PRKN: variants seen among roughly 807,000 people sequenced by gnomAD.
The protein encoded by PRKN is parkin RBR E3 ubiquitin protein ligase.
PRKN carries 56 observed loss-of-function variants against 59.5 expected under a neutral mutation model. The ratio of observed to expected loss-of-function variants is 0.94; its 90% CI spans 0.76 to 1.18. PRKN has a LOEUF of 1.18. Among genes scored for constraint, PRKN ranks in the 50% most tolerant of loss-of-function variants. The probability of loss-of-function intolerance (pLI) is 0.00; values close to 1 mark genes in which losing one functional copy is unlikely to be tolerated. For missense variants in PRKN, 657 were observed against 596.4 expected (o/e 1.10, Z -1.06); for synonymous variants, 250 against 222.1 (o/e 1.13, Z -1.12).
rs772551808 is a variant in PRKN, at chr6:161,429,412, C to T, written c.1084-42535G>A. The stretch of plus-strand genomic sequence containing the variant: ...TGCTATTGCTCTATGTGTGGGAAAA[C>T]AGGCAACCTGGGGAGCCATGGTTAA... On this transcript the variant is annotated intron_variant, in intron 9 of 11. Coordinates refer to ENST00000366898, the MANE Select transcript of PRKN (RefSeq NM_004562.3). This position sits in a 1 kb window ranked among gnomAD's most constrained non-coding sequence, Gnocchi z 4.2. Among the ~76,000 whole-genome samples the T allele has an allele frequency of 3.3e-5, 5 of 152,132 alleles. No homozygotes were observed. Among genetic ancestry groups the T allele is most frequent in the African/African-American group, 1.2e-4 (5 of 41,410 alleles).
rs554499903 is a variant in PRKN, at chr6:161,948,769, A to C, written c.734+24533T>G. 2.1e-4 allele frequency among the ~76,000 whole-genome samples: 32 copies of C among 152,302 alleles called. No individual in the cohort carries two copies. In the South Asian group the frequency reaches 6.4e-3, roughly 31 times the overall value. ...CCATGTGTTTGGAGGGCAAGAGGGG[A>C]CCCAGACACAGAGCCGTGTCAGTAA... On this transcript the variant is annotated intron_variant, in intron 6 of 11. Transcript: ENST00000366898.
At chr6:161,685,876 C>A (rs1785531769) in intron 7 of PRKN, among the ~76,000 whole-genome samples, 1 of 152,116 alleles carries the variant, frequency 6.6e-6, no homozygotes, top group Non-Finnish European at 1.5e-5. Flanking sequence ...GTTTCTGATA[C>A]CCCCTTAAAT....
intron 9 of PRKN, among the ~76,000 whole-genome samples, chr6:161,420,656 C>T (rs140241393): frequency 1.1e-4 from 16 of 152,136 alleles, no homozygotes; most frequent in East Asian, 9.7e-4. Flanking sequence ...ACCACAGGCA[C>T]GCGCCACCAT....
chr6:161,977,542 G>GTTTTTTTTTTTTTTTTT lies in PRKN; in HGVS notation c.619-4142_619-4126dup. Among the ~76,000 whole-genome samples, 2 of 104,522 alleles carry GTTTTTTTTTTTTTTTTT rather than the reference G, an allele frequency of 1.9e-5. 1 individual carries two copies. The highest frequency in any genetic ancestry group is 3.9e-5 in the Non-Finnish European group (2 of 51,672). The allele number at this position is 104,522 out of a possible 152,430, so 68.6% of individuals were successfully genotyped here. On this transcript the variant is annotated intron_variant, in intron 5 of 11. Transcript: ENST00000366898. ...ATCTTCTCTACTTTCTGTTTTTTTG[G>GTTTTTTTTTTTTTTTTT]TTTTTTTTTTTTTTTTTTTTTTTAA...
chr6:161,885,741 T>A (rs1039499459), intron 6 of PRKN, among the ~76,000 whole-genome samples: 1 of 151,152 alleles, frequency 6.6e-6, no homozygotes, highest in South Asian at 2.1e-4. Context: ...TGGGATATCA[T>A]AAGAAAAAAT....
intron 2 of PRKN, among the ~76,000 whole-genome samples, chr6:162,339,817 C>G (rs1161006872): frequency 6.7e-6 from 1 of 149,316 alleles, no homozygotes; most frequent in African/African-American, 2.5e-5. Context: ...GCCTTGGGAT[C>G]CTGTTGATCT....
intron 2 of PRKN, among the ~76,000 whole-genome samples, chr6:162,329,537 T>C (rs1402589688): frequency 6.6e-6 from 1 of 152,138 alleles, no homozygotes; most frequent in African/African-American, 2.4e-5. Context: ...TTTTTCTCTG[T>C]CAAGGAGATT....
intron 8 of PRKN, among the ~76,000 whole-genome samples, chr6:161,557,100 A>T (rs529915598): frequency 6.6e-6 from 1 of 152,298 alleles, no homozygotes; most frequent in East Asian, 1.9e-4. Context: ...GAAAACAATA[A>T]CTGTTTTTCT....
At chr6:162,679,940 T>G (rs539374558) in intron 1 of PRKN, among the ~76,000 whole-genome samples, 1 of 152,314 alleles carries the variant, frequency 6.6e-6, no homozygotes, top group East Asian at 1.9e-4. Flanking sequence ...TTTTAAATTT[T>G]CCCCTACTGT....
At chr6:162,177,105 C>T (rs1430478552) in intron 4 of PRKN, among the ~76,000 whole-genome samples, 3 of 151,834 alleles carry the variant, frequency 2.0e-5, no homozygotes, top group African/African-American at 7.3e-5. Context: ...TGTATATAGT[C>T]ACACACACAC....
At chr6:162,432,524 AAAACAAAC>A (rs71671690) in intron 2 of PRKN, among the ~76,000 whole-genome samples, 3 of 151,764 alleles carry the variant, frequency 2.0e-5, no homozygotes, top group African/African-American at 4.9e-5. Context: ...GACACCGTCT[AAAACAAAC>A]AAACAAACAA....
At position 162,406,757 on chromosome 6, in the gene PRKN, G is replaced by A. The variant is rs371529589; in HGVS notation, c.171+36553C>T. Among the ~76,000 whole-genome samples, 49 of 152,154 alleles carry A rather than the reference G, an allele frequency of 3.2e-4. No homozygotes were observed. The South Asian group carries it at 8.1e-3, about 25-fold the overall frequency. ...AGCAAAGTCAGTGTCTACACCACCCGCCAGCTTCTCCTCCCCTCTTCCACA... is the reference window on the plus strand; with the variant it reads ...AGCAAAGTCAGTGTCTACACCACCCACCAGCTTCTCCTCCCCTCTTCCACA... On this transcript the variant is annotated intron_variant, in intron 2 of 11. Coordinates refer to ENST00000366898, the MANE Select transcript of PRKN (RefSeq NM_004562.3).
At chr6:162,377,616 C>A (rs933283355) in intron 2 of PRKN, among the ~76,000 whole-genome samples, 3 of 152,178 alleles carry the variant, frequency 2.0e-5, no homozygotes, top group African/African-American at 7.2e-5. Flanking sequence ...CCATGGCCAG[C>A]CTACAGATCG....
intron 4 of PRKN, among the ~76,000 whole-genome samples, chr6:162,181,586 T>C (rs918314448): frequency 1.3e-5 from 2 of 152,104 alleles, no homozygotes; most frequent in African/African-American, 4.8e-5. Context: ...TACAGTGTTG[T>C]ACAAGAACCA....
intron 7 of PRKN, among the ~76,000 whole-genome samples, chr6:161,685,915 C>A (rs1209732375): frequency 6.6e-6 from 1 of 152,184 alleles, no homozygotes; most frequent in South Asian, 2.1e-4. Flanking sequence ...GCCTCAGCAA[C>A]CTCACCCCGG....
intron 9 of PRKN, among the ~76,000 whole-genome samples, chr6:161,481,170 C>A (rs963875911): frequency 6.6e-6 from 1 of 152,148 alleles, no homozygotes; most frequent in African/African-American, 2.4e-5. Context: ...CTATTCAAAC[C>A]GTATCAAGAT....
intron 8 of PRKN, among the ~76,000 whole-genome samples, chr6:161,568,643 C>T (rs1780744496): frequency 6.6e-6 from 1 of 152,062 alleles, no homozygotes; most frequent in African/African-American, 2.4e-5. Flanking sequence ...GTCAATCAGC[C>T]TTTTGCCAAC....
chr6:161,485,162 C>T lies in PRKN; in HGVS notation c.1083+63692G>A, dbSNP rs374844908. Among the ~76,000 whole-genome samples the T allele has an allele frequency of 1.8e-4, 27 of 152,228 alleles. 1 individual carries two copies. Among genetic ancestry groups the T allele is most frequent in the African/African-American group, 5.8e-4 (24 of 41,522 alleles). On this transcript the variant is annotated intron_variant, in intron 9 of 11. Transcript: ENST00000366898. ...ATATTCTGGGGAATTCATTGTGTAC[C>T]GAGCCAGTCATTCAGATGACTATAT...
At chr6:162,339,566 C>T (rs1307513455) in intron 2 of PRKN, among the ~76,000 whole-genome samples, 3 of 148,754 alleles carry the variant, frequency 2.0e-5, no homozygotes, top group East Asian at 2.0e-4. Flanking sequence ...AGGTGAGGGG[C>T]GCCTCTGCCC....
Sources: gnomAD v4.1 joint callset for allele counts (sites outside exome capture counted in the v4.1 genomes callset) on GRCh38, gnomAD v4.1.1 for gene constraint, Gnocchi (gnomAD v3.1) non-coding constraint, MANE v1.5 for transcripts, NCBI Gene and HGNC (gene_info 2026-07-23, HGNC 2026-07-21) for gene names.